The following GIGYF2 variants were observed in gnomAD, a reference collection of about 807,000 sequenced individuals.
The protein encoded by GIGYF2 is GRB10 interacting GYF protein 2.
A neutral mutation model predicts 208.1 loss-of-function variants in GIGYF2; 25 were observed. The ratio of observed to expected loss-of-function variants is 0.12; its 90% CI spans 0.09 to 0.17. GIGYF2 has a LOEUF of 0.17. GIGYF2 is among the 10% of genes least tolerant of loss of function. The pLI, the probability that GIGYF2 is intolerant of heterozygous loss-of-function variation, is 1.00. For missense variants in GIGYF2, 1,302 were observed against 1,579.4 expected (o/e 0.82, Z 2.98); for synonymous variants, 534 against 543.8 (o/e 0.98, Z 0.25).
At chr2:232,842,010 A>T (rs557482807) in intron 23 of GIGYF2, among the ~76,000 whole-genome samples, 294 of 151,726 alleles carry the variant, frequency 1.9e-3, no homozygotes, top group African/African-American at 6.8e-3. Flanking sequence ...TTTAAAAAAA[A>T]ATTTTTTTTT....
At position 232,791,048 on chromosome 2, in the gene GIGYF2, A is replaced by G. The variant is rs1700055348; in HGVS notation, c.971A>G (p.Asp324Gly). 1 of 1,614,058 alleles carries G rather than the reference A, an allele frequency of 6.2e-7. No individual in the cohort carries two copies. The highest frequency in any genetic ancestry group is 8.5e-7 in the Non-Finnish European group (1 of 1,179,956). The change falls in exon 11 of 29, where the codon GAC becomes GGC. Residue 324 changes from aspartate (D) to glycine (G), a missense_variant. By Grantham distance (94) the Asp-to-Gly change is moderately conservative (BLOSUM62 -1). Coordinates refer to ENST00000373563, the MANE Select transcript of GIGYF2 (RefSeq NM_001103146.3). Reference protein sequence around the residue: ...KEPIPEEQEMDFRPVDEGEEC... With the variant: ...KEPIPEEQEMGFRPVDEGEEC... Reference sequence around the variant, plus strand: ...CCTATTCCAGAAGAGCAGGAGATGGACTTCCGGCCTGTGGACGAAGGGGAG... The same window carrying G: ...CCTATTCCAGAAGAGCAGGAGATGGGCTTCCGGCCTGTGGACGAAGGGGAG...
chr2:232,711,455 G>C (rs6739794), intron 2 of GIGYF2, among the ~76,000 whole-genome samples: 1 of 151,060 alleles, frequency 6.6e-6, no homozygotes, highest in East Asian at 1.9e-4. Context: ...AAATCTAAAA[G>C]GTATTAGTTT....
intron 8 of GIGYF2, among the ~76,000 whole-genome samples, chr2:232,763,716 G>A (rs1698835562): frequency 6.6e-6 from 1 of 151,786 alleles, no homozygotes; most frequent in Admixed American, 6.6e-5. Flanking sequence ...TGTACTTCCA[G>A]CTACTGAGGG....
chr2:232,728,738 C>T (rs762811286), intron 2 of GIGYF2, among the ~76,000 whole-genome samples: 3 of 152,106 alleles, frequency 2.0e-5, no homozygotes, highest in Non-Finnish European at 4.4e-5. Flanking sequence ...CTCTGCATGC[C>T]CTCTTTGCCA....
At chr2:232,845,698 G>A (rs1425620946) in intron 25 of GIGYF2, 34 bp from the exon 26 acceptor site, 1 of 1,539,796 alleles carries the variant, frequency 6.5e-7, no homozygotes, top group South Asian at 1.1e-5. Context: ...AACAGTTTCT[G>A]GGAATATAAT....
chr2:232,768,691 G>A, intron 8 of GIGYF2: 1 of 1,607,198 alleles, frequency 6.2e-7, no homozygotes, highest in Non-Finnish European at 8.5e-7. Flanking sequence ...GGGCTAGGTC[G>A]GGTGTTGGCC....
intron 3 of GIGYF2, among the ~76,000 whole-genome samples, chr2:232,743,557 C>T (rs1388867810): frequency 6.6e-6 from 1 of 152,196 alleles, no homozygotes; most frequent in East Asian, 1.9e-4. Context: ...TCCTCTCCCT[C>T]CTCCTGCCTT....
intron 9 of GIGYF2, 92 bp from the exon 10 acceptor site, chr2:232,790,606 G>A (rs1355069332): frequency 9.3e-7 from 1 of 1,075,374 alleles, no homozygotes; most frequent in African/African-American, 1.5e-5. Flanking sequence ...GCGGTCACTT[G>A]TAGTTTTCTC....
intron 5 of GIGYF2, among the ~76,000 whole-genome samples, chr2:232,753,115 A>G (rs1417183404): frequency 6.6e-6 from 1 of 150,662 alleles, no homozygotes; most frequent in African/African-American, 2.4e-5. Flanking sequence ...TTATTTATTT[A>G]TTTATTTATT....
chr2:232,750,454 C>T (rs1433408181), intron 5 of GIGYF2, among the ~76,000 whole-genome samples: 1 of 152,094 alleles, frequency 6.6e-6, no homozygotes, highest in Admixed American at 6.6e-5. Context: ...ATGTATTTTT[C>T]CAAGTAAATA....
At chr2:232,741,283 C>T (rs970274142) in intron 3 of GIGYF2, among the ~76,000 whole-genome samples, 2 of 152,094 alleles carry the variant, frequency 1.3e-5, no homozygotes, top group South Asian at 4.2e-4. Flanking sequence ...GTTCCTATAT[C>T]GGGTCTGTCA....
intron 2 of GIGYF2, among the ~76,000 whole-genome samples, chr2:232,723,515 C>G (rs1368834562): frequency 2.0e-5 from 3 of 151,010 alleles, no homozygotes; most frequent in Non-Finnish European, 4.4e-5. Flanking sequence ...ACTGCAACCC[C>G]GCCCCCTGGG....
chr2:232,724,684 G>A (rs917958722), intron 2 of GIGYF2: 36 of 151,990 alleles, frequency 2.4e-4, no homozygotes, highest in African/African-American at 8.5e-4. Flanking sequence ...CAAGTAGCTG[G>A]GACTAAGGCA....
At position 232,860,295 on chromosome 2, in the gene GIGYF2, C is replaced by T. The variant is rs943004972; in HGVS notation, c.*3435C>T. ...TACAGCTATGTGCCAGTGCACCCAG[C>T]TTGTTTTTTTTAAATTTTAGGATAG... On this transcript the variant is annotated 3_prime_UTR_variant, in exon 29 of 29. Coordinates refer to ENST00000373563, the MANE Select transcript of GIGYF2 (RefSeq NM_001103146.3). 3 of 151,466 alleles carry T rather than the reference C, an allele frequency of 2.0e-5. No homozygotes were observed. Among genetic ancestry groups the T allele is most frequent in the African/African-American group, 7.3e-5 (3 of 41,244 alleles). 9.4% of individuals were successfully genotyped at this position (151,466 alleles called of 1,614,324 possible). A position where few individuals can be genotyped will look rare whatever the true frequency, so the allele number is the denominator to read the frequency against.
chr2:232,746,683 T>C (rs531218258), intron 3 of GIGYF2, among the ~76,000 whole-genome samples: 5 of 152,330 alleles, frequency 3.3e-5, no homozygotes, highest in African/African-American at 1.2e-4. Flanking sequence ...GTTTGGAGTA[T>C]ATTTTTTATT....
intron 6 of GIGYF2, chr2:232,760,243 G>A: frequency 2.2e-6 from 1 of 462,138 alleles, no homozygotes. Flanking sequence ...TCAGGACTGG[G>A]TCTATTGCAT....
intron 8 of GIGYF2, among the ~76,000 whole-genome samples, chr2:232,761,945 C>G (rs1559410661): frequency 6.8e-6 from 1 of 146,776 alleles, no homozygotes; most frequent in Non-Finnish European, 1.5e-5. Flanking sequence ...AATAAAGGAA[C>G]AGGATTCCAT....
chr2:232,735,620 A>G (rs754128966), intron 3 of GIGYF2: 10 of 661,914 alleles, frequency 1.5e-5, no homozygotes, highest in Non-Finnish European at 1.7e-5. Context: ...GATTGATTTG[A>G]GAAATAGTTT....
intron 2 of GIGYF2, among the ~76,000 whole-genome samples, chr2:232,727,597 G>A (rs189821581): frequency 6.6e-6 from 1 of 152,182 alleles, no homozygotes; most frequent in Non-Finnish European, 1.5e-5. Context: ...ACCTCAGGGG[G>A]AGAAAACTAG....
Sources: allele counts gnomAD v4.1 joint callset (sites outside exome capture counted in the v4.1 genomes callset), GRCh38; gene constraint gnomAD v4.1.1; transcripts MANE v1.5; gene names NCBI Gene and HGNC (gene_info 2026-07-23, HGNC 2026-07-21).